The following FREM2 variants were observed in gnomAD, a reference collection of about 807,000 sequenced individuals.
The protein encoded by FREM2 is FRAS1 related extracellular matrix 2.
Under a neutral mutation model 219.9 loss-of-function variants are expected in FREM2, and 119 were observed. The observed-to-expected ratio is 0.54, with a 90% CI of 0.47 to 0.63. The LOEUF (loss-of-function observed/expected upper bound fraction) is 0.63, where lower values mean the gene tolerates loss of function less well. FREM2 is among the 30% of genes least tolerant of loss of function. The pLI is 0.00. For synonymous variants in FREM2, 1,562 were observed against 1,522.8 expected (o/e 1.03, Z -0.60); for missense variants, 4,030 against 3,993.6 (o/e 1.01, Z -0.25).
In FREM2 at chr13:38,878,896, A is replaced by G; in HGVS notation, c.8925A>G (p.Ala2975=). ...ATGTCCTATTTAATGCCAAACTAGC[A>G]GTGGATGACCCTGAAGCCATTCTCT... ...FGNVLFNAKL[A]VDDPEAILLV... Residue 2975 remains alanine, a synonymous_variant, in exon 23 of 24, where the codon GCA becomes GCG. Coordinates refer to ENST00000280481, the MANE Select transcript of FREM2 (RefSeq NM_207361.6). The G allele has an allele frequency of 6.2e-7, 1 of 1,614,112 alleles. No homozygotes were observed. Among genetic ancestry groups the G allele is most frequent in the South Asian group, 1.1e-5 (1 of 91,080 alleles).
intron 14 of FREM2, among the ~76,000 whole-genome samples, chr13:38,860,785 C>A (rs1877733565): frequency 6.6e-6 from 1 of 152,114 alleles, no homozygotes; most frequent in Admixed American, 6.5e-5. Context: ...GAAAGAGTTT[C>A]ATGTCCAAAT....
At chr13:38,721,017 G>A (rs1372574055) in intron 2 of FREM2, among the ~76,000 whole-genome samples, 1 of 152,116 alleles carries the variant, frequency 6.6e-6, no homozygotes, top group Non-Finnish European at 1.5e-5. Context: ...GTTTGGTTGG[G>A]GGAGGGAGCA....
At chr13:38,875,178 T>TTCACTAGAAAGAGCTTA (rs1189661517) in intron 18 of FREM2, among the ~76,000 whole-genome samples, 1 of 152,024 alleles carries the variant, frequency 6.6e-6, no homozygotes. Flanking sequence ...ACAAGGACAT[T>TTCACTAGAAAGAGCTTA]TCACTAGAAA....
intron 6 of FREM2, among the ~76,000 whole-genome samples, chr13:38,837,767 T>G (rs1593437422): frequency 6.8e-6 from 1 of 147,878 alleles, no homozygotes; most frequent in East Asian, 1.9e-4. Flanking sequence ...AACCCCTGGT[T>G]TTTTTTTGTT....
intron 8 of FREM2, 67 bp downstream of exon 8, chr13:38,848,737 A>G (rs1444037389): frequency 2.3e-6 from 3 of 1,309,210 alleles, no homozygotes; most frequent in Non-Finnish European, 3.2e-6. Context: ...TTATGTATAT[A>G]TGATAAGCAA....
At chr13:38,751,432 C>G (rs1336174664) in intron 2 of FREM2, among the ~76,000 whole-genome samples, 1 of 152,088 alleles carries the variant, frequency 6.6e-6, no homozygotes, top group Non-Finnish European at 1.5e-5. Context: ...TTCACAAACC[C>G]TACAGAGCTT....
intron 3 of FREM2, among the ~76,000 whole-genome samples, chr13:38,766,323 G>A (rs1353142732): frequency 2.0e-5 from 3 of 151,702 alleles, no homozygotes; most frequent in Non-Finnish European, 4.4e-5. Flanking sequence ...TGGGGTTAAC[G>A]GCAGTTCTAC....
chr13:38,750,477 A>G (rs917906981), intron 2 of FREM2, among the ~76,000 whole-genome samples: 1 of 152,178 alleles, frequency 6.6e-6, no homozygotes, highest in African/African-American at 2.4e-5. Context: ...TTATGGTTGA[A>G]TGATACTCTA....
intron 6 of FREM2, among the ~76,000 whole-genome samples, chr13:38,839,616 G>A (rs1876860810): frequency 6.6e-6 from 1 of 152,146 alleles, no homozygotes; most frequent in South Asian, 2.1e-4. Flanking sequence ...TTTAGCCCCT[G>A]ACTGGGGCTG....
chr13:38,854,117 C>CA (rs34001823), intron 11 of FREM2, among the ~76,000 whole-genome samples: 1,367 of 117,506 alleles, frequency 0.012, 6 homozygotes, highest in Admixed American at 0.015. Context: ...GAGTTCTTTG[C>CA]AAAAAAAAAA....
chr13:38,723,573 C>G (rs1011983640), intron 2 of FREM2, among the ~76,000 whole-genome samples: 6 of 152,080 alleles, frequency 3.9e-5, no homozygotes, highest in African/African-American at 1.4e-4. Context: ...ACATAATTGT[C>G]TCTTCATTGT....
At chr13:38,819,414 T>C (rs1405327288) in intron 6 of FREM2, among the ~76,000 whole-genome samples, 1 of 152,172 alleles carries the variant, frequency 6.6e-6, no homozygotes, top group African/African-American at 2.4e-5. Context: ...TTGTATAATT[T>C]ACACTGAAGA....
intron 14 of FREM2, among the ~76,000 whole-genome samples, chr13:38,860,048 A>T (rs117482819): frequency 0.033 from 5,068 of 152,204 alleles, 126 homozygotes; most frequent in Non-Finnish European, 0.053. Context: ...AGAATGCGGG[A>T]TATTGTGGGA....
At chr13:38,814,436 A>C (rs1204818012) in intron 6 of FREM2, among the ~76,000 whole-genome samples, 1 of 152,206 alleles carries the variant, frequency 6.6e-6, no homozygotes, top group Non-Finnish European at 1.5e-5. Flanking sequence ...GTCTTGGCTG[A>C]GATCCAGAGC....
intron 2 of FREM2, among the ~76,000 whole-genome samples, chr13:38,748,409 T>G (rs996366072): frequency 2.0e-5 from 3 of 152,242 alleles, no homozygotes; most frequent in Non-Finnish European, 4.4e-5. Flanking sequence ...TAACTATTAG[T>G]GTCAAATATG....
chr13:38,760,589 A>G (rs939384182), intron 2 of FREM2, among the ~76,000 whole-genome samples: 1 of 152,182 alleles, frequency 6.6e-6, no homozygotes, highest in Non-Finnish European at 1.5e-5. Flanking sequence ...GAAGTATGCA[A>G]ACATTTTAGA....
chr13:38,812,804 G>A (rs745883469), intron 6 of FREM2, among the ~76,000 whole-genome samples: 4 of 151,648 alleles, frequency 2.6e-5, no homozygotes, highest in Non-Finnish European at 5.9e-5. Flanking sequence ...GATCGCTTGA[G>A]CCCGGGAGAT....
intron 16 of FREM2, among the ~76,000 whole-genome samples, chr13:38,868,571 G>A (rs1878052131): frequency 6.6e-6 from 1 of 152,204 alleles, no homozygotes; most frequent in African/African-American, 2.4e-5. Context: ...AAAGCCAGGT[G>A]AACTTTTTCC....
At chr13:38,834,512 T>C (rs1876635226) in intron 6 of FREM2, among the ~76,000 whole-genome samples, 1 of 152,208 alleles carries the variant, frequency 6.6e-6, no homozygotes, top group Non-Finnish European at 1.5e-5. Context: ...TCTAGATCCC[T>C]GAGGAATCAC....
Sources: allele counts gnomAD v4.1 joint callset (sites outside exome capture counted in the v4.1 genomes callset), GRCh38; gene constraint gnomAD v4.1.1; transcripts MANE v1.5; gene names NCBI Gene and HGNC (gene_info 2026-07-23, HGNC 2026-07-21).